Variants in OSBPL7 observed in about 807,000 individuals in gnomAD.
OSBPL7 encodes the protein oxysterol-binding protein-related protein 7.
In OSBPL7, 66 loss-of-function variants were observed where a neutral mutation model predicts 115.8. The ratio of observed to expected loss-of-function variants is 0.57; its 90% CI spans 0.47 to 0.70. The LOEUF is 0.70. Among genes scored for constraint, OSBPL7 ranks in the 30% least tolerant of loss-of-function variants. OSBPL7 has a pLI of 0.00. For synonymous variants in OSBPL7, 441 were observed against 439.2 expected (o/e 1.00, Z -0.05); for missense variants, 902 against 1,125.5 (o/e 0.80, Z 2.84).
rs539221126 is a variant in OSBPL7, at chr17:47,820,472, C to T, written c.-87-107G>A. 51 of 587,760 alleles carry T rather than the reference C, an allele frequency of 8.7e-5. No individual in the cohort carries two copies. In the East Asian group the frequency reaches 1.5e-3, roughly 17 times the overall value. The allele number at this position is 587,760 out of a possible 1,614,324, so 36.4% of individuals were successfully genotyped here. Reference sequence around the variant, plus strand: ...TAAGGGCTCCCCAACATACCCTCTGCTCACCTGCCAAGCCTCTCCCAAGTC... The same window carrying T: ...TAAGGGCTCCCCAACATACCCTCTGTTCACCTGCCAAGCCTCTCCCAAGTC... On this transcript the variant is annotated intron_variant, in intron 1 of 22. Coordinates refer to ENST00000007414, the MANE Select transcript of OSBPL7 (RefSeq NM_145798.3).
At position 47,816,486 on chromosome 17, in the gene OSBPL7, C is replaced by G; in HGVS notation, c.929-4G>C. On this transcript the variant is annotated splice_region_variant and splice_polypyrimidine_tract_variant and intron_variant, in intron 10 of 22. Transcript: ENST00000007414. This position sits in a 1 kb window ranked among gnomAD's most constrained non-coding sequence, Gnocchi z 5.8. ...ACGCTGCTGAGGGAGCTGTGCACTA[C>G]AGGGAGTGGGGCAGACCATCAGAGT... 6.5e-7 allele frequency: 1 copy of G among 1,548,138 alleles called. No individual in the cohort carries two copies. Among genetic ancestry groups the G allele is most frequent in the Non-Finnish European group, 8.7e-7 (1 of 1,145,736 alleles).
At chr17:47,812,217 G>A (rs1296144680) in intron 16 of OSBPL7, among the ~76,000 whole-genome samples, 2 of 151,990 alleles carry the variant, frequency 1.3e-5, no homozygotes, top group African/African-American at 2.4e-5. Context: ...ATCCTGTCTC[G>A]GGAACCTTCC....
chr17:47,810,949 G>T, intron 16 of OSBPL7, 114 bp from the exon 17 acceptor site: 1 of 1,051,274 alleles, frequency 9.5e-7, no homozygotes, highest in Non-Finnish European at 1.4e-6. Flanking sequence ...GTTGGTTCCA[G>T]GTTTCCTGTC....
At chr17:47,813,152 C>T in intron 16 of OSBPL7, 114 bp downstream of exon 16, 1 of 1,412,962 alleles carries the variant, frequency 7.1e-7, no homozygotes. Context: ...ACAGAGCCAA[C>T]TGCCCACGCT....
rs2033230207 is a variant in OSBPL7 at position 47,816,709 on chromosome 17, G to A, written c.796-14C>T. 13 of 1,613,980 alleles carry A rather than the reference G, an allele frequency of 8.1e-6. No individual in the cohort carries two copies. The African/African-American group carries it at 1.1e-4, about 13-fold the overall frequency. On this transcript the variant is annotated splice_polypyrimidine_tract_variant and intron_variant, in intron 9 of 22. Coordinates refer to ENST00000007414, the MANE Select transcript of OSBPL7 (RefSeq NM_145798.3). The surrounding 1 kb of genome is among the most constrained non-coding windows in gnomAD (Gnocchi z 5.8). ...GAGACGACCAACCTGTAGGTGAAGG[G>A]GAAGGGCTGAAGGGGCCGGCCTCCT...
chr17:47,819,153 C>A (rs914862237), intron 4 of OSBPL7, 54 bp from the exon 5 acceptor site: 6 of 1,463,746 alleles, frequency 4.1e-6, no homozygotes, highest in Admixed American at 1.7e-5. Context: ...GCTCTCAGAG[C>A]CATAGAGCCA....
rs1484477028 is a variant in OSBPL7, at chr17:47,813,644, C to G, written c.1542G>C (p.Leu514=). The change falls in exon 15 of 23, where the codon CTG becomes CTC. Residue 514 remains leucine, a synonymous_variant. Coordinates refer to ENST00000007414, the MANE Select transcript of OSBPL7 (RefSeq NM_145798.3). Reference sequence around the variant, plus strand: ...CCTGGTCCAGGAGGCTGCTGTACTCCAGCTCCTCGCAGAGCCGCTGCAGAG... The same window carrying G: ...CCTGGTCCAGGAGGCTGCTGTACTCGAGCTCCTCGCAGAGCCGCTGCAGAG... ...LNTLQRLCEE[L]EYSSLLDQAS... 1.9e-6 allele frequency: 3 copies of G among 1,613,106 alleles called. No individual in the cohort carries two copies. The highest frequency in any genetic ancestry group is 1.7e-6 in the Non-Finnish European group (2 of 1,180,012).
intron 13 of OSBPL7, chr17:47,814,998 A>G (rs1444003440): frequency 4.7e-6 from 3 of 636,392 alleles, no homozygotes; most frequent in Non-Finnish European, 7.9e-6. Flanking sequence ...AGGAGAACCC[A>G]ATGGGGATAC....
chr17:47,819,016 A>T lies in OSBPL7; in HGVS notation c.339T>A (p.Leu113=). Residue 113 remains leucine (L), a synonymous_variant, in exon 5 of 23, where the codon CTT becomes CTA. Transcript: ENST00000007414. ...SINKKAQRID[L]DTEDNIYHLK... The stretch of plus-strand genomic sequence containing the variant: ...GGTGGTAGATGTTGTCTTCAGTGTC[A>T]AGGTCAATGCGCTGGGCCTTTTTGT... The T allele has an allele frequency of 6.2e-7, 1 of 1,614,116 alleles. No individual in the cohort carries two copies. Among genetic ancestry groups the T allele is most frequent in the Non-Finnish European group, 8.5e-7 (1 of 1,179,984 alleles).
At chr17:47,809,026 T>A (rs202209936) in intron 20 of OSBPL7, 36 bp from the exon 21 acceptor site, 1 of 1,613,788 alleles carries the variant, frequency 6.2e-7, no homozygotes, top group East Asian at 2.2e-5. Context: ...AGGTGCACCA[T>A]GCCTGAGCTG....
rs762028171 is a variant in OSBPL7 at position 47,820,062 on chromosome 17, C to A, written c.110G>T (p.Arg37Leu). ...GACACCCTCTGTCCCCAGCCTGACC[C>A]GAGGCTCCTCCACCACCTCCCACAG... ...SELWEVVEEP[R>L]VRLGTEGVMP... Residue 37 changes from arginine to leucine, a missense_variant, in exon 3 of 23, where the codon CGG becomes CTG. Around this residue, in one of 3 missense-constraint regions of OSBPL7, gnomAD observed 667 missense variants for 788.7 expected, o/e 0.85. Coordinates refer to ENST00000007414, the MANE Select transcript of OSBPL7 (RefSeq NM_145798.3). 6 of 1,612,382 alleles carry A rather than the reference C, an allele frequency of 3.7e-6. No individual in the cohort carries two copies. Among genetic ancestry groups the A allele is most frequent in the Non-Finnish European group, 5.1e-6 (6 of 1,179,950 alleles).
intron 14 of OSBPL7, 120 bp from the exon 15 acceptor site, chr17:47,813,954 C>G (rs753956604): frequency 7.5e-7 from 1 of 1,330,218 alleles, no homozygotes. Flanking sequence ...CGCCCCTGAG[C>G]CCTTGTCTCG....
At position 47,809,391 on chromosome 17, in the gene OSBPL7, C is replaced by A. The variant is rs1006559748; in HGVS notation, c.1968G>T (p.Glu656Asp). 1.9e-6 allele frequency: 3 copies of A among 1,614,016 alleles called. No individual in the cohort carries two copies. Among genetic ancestry groups the A allele is most frequent in the Non-Finnish European group, 2.5e-6 (3 of 1,180,016 alleles). ...SGQRWIEHYGEVLIRNTQDSS... is the reference protein window; with the variant it reads ...SGQRWIEHYGDVLIRNTQDSS... ...TGTCCTGTGTGTTTCGGATGAGCAC[C>A]TCCCCATAGTGCTCGATCCAGCGCT... is the stretch of plus-strand genomic sequence containing the variant. The change falls in exon 19 of 23, where the codon GAG becomes GAT. Residue 656 changes from glutamate to aspartate, a missense_variant. Glu to Asp is a conservative substitution (Grantham distance 45). Coordinates refer to ENST00000007414, the MANE Select transcript of OSBPL7 (RefSeq NM_145798.3).
In OSBPL7 at chr17:47,816,891, G is replaced by T. The variant is rs2143550191; in HGVS notation, c.703-19C>A. The T allele has an allele frequency of 6.2e-7, 1 of 1,612,556 alleles. No homozygotes were observed. Among genetic ancestry groups the T allele is most frequent in the Admixed American group, 1.7e-5 (1 of 60,022 alleles). Reference sequence around the variant, plus strand: ...CTGAGGCCTGGCAAGTCAAGGTGGGGGCAATTTTACTCACAGGGTGGGGAA... The same window carrying T: ...CTGAGGCCTGGCAAGTCAAGGTGGGTGCAATTTTACTCACAGGGTGGGGAA... On this transcript the variant is annotated intron_variant, in intron 8 of 22. Transcript: ENST00000007414. This position sits in a 1 kb window ranked among gnomAD's most constrained non-coding sequence, Gnocchi z 5.8.
At position 47,814,596 on chromosome 17, in the gene OSBPL7, ACTC is replaced by A. The variant is rs777311900; in HGVS notation, c.1273_1275del (p.Glu425del). The A allele has an allele frequency of 4.3e-6, 7 of 1,612,064 alleles. No individual in the cohort carries two copies. Among genetic ancestry groups the A allele is most frequent in the African/African-American group, 4.0e-5 (3 of 74,394 alleles). On this transcript the variant is annotated inframe_deletion, in exon 14 of 23. Transcript: ENST00000007414. ...CTGGTGGTGATTTCACTGGTACAGGACTCCTCCTCCTCTGAGCCCTGGGCCAGG... is the reference window on the plus strand; with the variant it reads ...CTGGTGGTGATTTCACTGGTACAGGACTCCTCCTCTGAGCCCTGGGCCAGG...
intron 14 of OSBPL7, 38 bp downstream of exon 14, chr17:47,814,483 G>A (rs548599132): frequency 4.0e-5 from 17 of 423,404 alleles, no homozygotes; most frequent in African/African-American, 8.6e-5. Context: ...TTTTCCACCC[G>A]CCTCCCACCC....
At chr17:47,819,661 C>A in intron 4 of OSBPL7, 68 bp downstream of exon 4, 1 of 1,584,126 alleles carries the variant, frequency 6.3e-7, no homozygotes, top group Non-Finnish European at 8.7e-7. Context: ...TTCCAGATAC[C>A]CCATGCCTGC....
chr17:47,808,531 G>C lies in OSBPL7; in HGVS notation c.2420+7C>G, dbSNP rs761407857. 1 of 1,614,190 alleles carries C rather than the reference G, an allele frequency of 6.2e-7. No homozygotes were observed. Among genetic ancestry groups the C allele is most frequent in the Non-Finnish European group, 8.5e-7 (1 of 1,180,022 alleles). ...GAGACCCAGGGCGGAGGGCGAGGCCGAGGCACCTGAAGAAGCGAGCCTGGT... is the reference window on the plus strand; with the variant it reads ...GAGACCCAGGGCGGAGGGCGAGGCCCAGGCACCTGAAGAAGCGAGCCTGGT... On this transcript the variant is annotated splice_region_variant and intron_variant, in intron 22 of 22. Transcript: ENST00000007414. This position sits in a 1 kb window ranked among gnomAD's most constrained non-coding sequence, Gnocchi z 6.1.
intron 1 of OSBPL7, chr17:47,820,892 T>C (rs2033376065): frequency 6.6e-6 from 1 of 152,148 alleles, no homozygotes; most frequent in Admixed American, 6.5e-5. Context: ...ATCTAGTGCT[T>C]GGAGAAACTG....
Sources: allele counts gnomAD v4.1 joint callset (sites outside exome capture counted in the v4.1 genomes callset), GRCh38; gene constraint gnomAD v4.1.1; regional missense constraint gnomAD v4.1.1; non-coding constraint Gnocchi (gnomAD v3.1); transcripts MANE v1.5; gene names NCBI Gene and HGNC (gene_info 2026-07-23, HGNC 2026-07-21).